The following NLRP5 variants were observed in gnomAD, a reference collection of about 807,000 sequenced individuals.
The protein encoded by NLRP5 is NLR family pyrin domain containing 5.
A neutral mutation model predicts 113.1 loss-of-function variants in NLRP5; 93 were observed. The observed-to-expected ratio is 0.82, with a 90% CI of 0.70 to 0.98. The LOEUF is 0.98. Among genes scored for constraint, NLRP5 ranks in the 50% least tolerant of loss-of-function variants. The pLI is 0.00. For missense variants in NLRP5, 1,808 were observed against 1,514.3 expected (o/e 1.19, Z -3.22); for synonymous variants, 751 against 600.7 (o/e 1.25, Z -3.66).
upstream of NLRP5, among the ~76,000 whole-genome samples, chr19:55,998,708 G>GTATATATATA (rs1429404937): frequency 1.9e-4 from 11 of 59,352 alleles, no homozygotes; most frequent in East Asian, 2.6e-3. Flanking sequence ...ATATATGTGT[G>GTATATATATA]TGTGTGTATA....
At chr19:56,008,642 G>T in intron 2 of NLRP5, 146 bp from the exon 3 acceptor site, 1 of 705,838 alleles carries the variant, frequency 1.4e-6, no homozygotes, top group Non-Finnish European at 2.5e-6. Context: ...TGTTGTCTCC[G>T]TTATAGGCCA....
At chr19:55,998,485 C>G (rs949851180), upstream of NLRP5, among the ~76,000 whole-genome samples, 13 of 151,870 alleles carry the variant, frequency 8.6e-5, no homozygotes, top group East Asian at 1.9e-4. Context: ...AACCCTGTCT[C>G]TACTAAAAAT....
chr19:56,026,494 C>T (rs1982853263), intron 6 of NLRP5, among the ~76,000 whole-genome samples: 1 of 122,016 alleles, frequency 8.2e-6, no homozygotes, highest in African/African-American at 3.0e-5. Context: ...CGCCACTGCA[C>T]TCCAGCCTGG....
Position 56,058,427 on chromosome 19 carries a change from T to C in NLRP5, c.3470+17T>C, listed in dbSNP as rs200950270. The stretch of plus-strand genomic sequence containing the variant: ...GATAATTGGGTAAGTCGCCAGCAAT[T>C]GTCTTCTGAGATACAGACCTGCTTC... On this transcript the variant is annotated intron_variant, in intron 14 of 14. Transcript: ENST00000390649. 2.5e-5 allele frequency: 40 copies of C among 1,599,082 alleles called. No homozygotes were observed. Among genetic ancestry groups the C allele is most frequent in the Admixed American group, 3.5e-5 (2 of 57,036 alleles).
In NLRP5 at chr19:56,027,206, C is replaced by T. The variant is rs1982894430; in HGVS notation, c.973C>T (p.Gln325Ter). The T allele has an allele frequency of 6.2e-7, 1 of 1,611,190 alleles. No individual in the cohort carries two copies. The highest frequency in any genetic ancestry group is 8.5e-7 in the Non-Finnish European group (1 of 1,178,792). The change falls in exon 7 of 15, where the codon CAG (glutamine) becomes TAG (stop). Residue 325 changes from glutamine (Q) to a stop codon, truncating the protein, a stop_gained. Coordinates refer to ENST00000390649, the MANE Select transcript of NLRP5 (RefSeq NM_153447.4). LOFTEE classifies it high-confidence loss of function. ...CTTCTTCCTCCCCGTTAGAGAGATG[C>T]AGCGGAAGAAGGAGAGCAGTGTCAC...
intron 2 of NLRP5, among the ~76,000 whole-genome samples, chr19:56,005,332 T>TATACAC (rs201872216): frequency 7.1e-6 from 1 of 140,694 alleles, no homozygotes; most frequent in Non-Finnish European, 1.5e-5. Context: ...CATATTTATA[T>TATACAC]ATACACATAC....
At chr19:55,991,772 C>G in the NLRP5 span, among the ~76,000 whole-genome samples, 2 of 152,082 alleles carry the variant, frequency 1.3e-5, no homozygotes, top group Non-Finnish European at 2.9e-5. Flanking sequence ...GCTTTCCTAT[C>G]AAATATAAAT....
intron 2 of NLRP5, among the ~76,000 whole-genome samples, chr19:56,008,029 T>A (rs182965010): frequency 0.14 from 15,009 of 104,138 alleles, 1,695 homozygotes; most frequent in Non-Finnish European, 0.19. Flanking sequence ...CCCGGGTTCG[T>A]GCCATTCTCC....
At chr19:56,005,105 AAAAT>A (rs1401431552) in intron 2 of NLRP5, among the ~76,000 whole-genome samples, 10 of 123,962 alleles carry the variant, frequency 8.1e-5, no homozygotes, top group East Asian at 2.3e-4. Flanking sequence ...AAAAAAAAAA[AAAAT>A]ATATATATAT....
At chr19:56,014,872 G>A (rs1161425514) in intron 3 of NLRP5, among the ~76,000 whole-genome samples, 2 of 152,110 alleles carry the variant, frequency 1.3e-5, no homozygotes, top group Non-Finnish European at 2.9e-5. Context: ...AAGATAGATT[G>A]GCTATTCTGG....
chr19:56,043,944 T>C (rs1231665078), intron 11 of NLRP5, among the ~76,000 whole-genome samples: 4 of 152,104 alleles, frequency 2.6e-5, no homozygotes, highest in African/African-American at 9.7e-5. Context: ...TTTATCTTTA[T>C]TTTTATTGCA....
At position 56,032,693 on chromosome 19, in the gene NLRP5, G is replaced by C. The variant is rs758448758; in HGVS notation, c.2359G>C (p.Asp787His). The change falls in exon 8 of 15, where the codon GAC becomes CAC. Residue 787 changes from aspartate to histidine, a missense_variant. Coordinates refer to ENST00000390649, the MANE Select transcript of NLRP5 (RefSeq NM_153447.4). The stretch of plus-strand genomic sequence containing the variant: ...CACCCACCCACACCTGCGGCAGCTG[G>C]ACCTGGGCAGCAGCATCCTGACAGA... 6 of 1,613,580 alleles carry C rather than the reference G, an allele frequency of 3.7e-6. No homozygotes were observed. The highest frequency in any genetic ancestry group is 5.1e-6 in the Non-Finnish European group (6 of 1,179,758).
chr19:56,044,202 T>A (rs536368442), intron 11 of NLRP5, among the ~76,000 whole-genome samples: 19 of 152,164 alleles, frequency 1.2e-4, no homozygotes, highest in African/African-American at 4.1e-4. Flanking sequence ...TAGCTGAGAT[T>A]ACAGGCACCC....
rs181542066 is a variant in NLRP5 at position 56,023,128 on chromosome 19, C to T, written c.679+2697C>T. Among the ~76,000 whole-genome samples, 19 of 152,212 alleles carry T rather than the reference C, an allele frequency of 1.2e-4. No homozygotes were observed. The East Asian group carries it at 2.9e-3, about 23-fold the overall frequency. ...TGGAATTTTAGGAAAGAAGCCCTCACGAAGGAGAGGATGGGAACCCTGAAG... is the reference window on the plus strand; with the variant it reads ...TGGAATTTTAGGAAAGAAGCCCTCATGAAGGAGAGGATGGGAACCCTGAAG... On this transcript the variant is annotated intron_variant, in intron 6 of 14. Coordinates refer to ENST00000390649, the MANE Select transcript of NLRP5 (RefSeq NM_153447.4).
In NLRP5 at chr19:56,050,389, A is replaced by G. The variant is rs368369543; in HGVS notation, c.2958-29A>G. 6 of 1,607,490 alleles carry G rather than the reference A, an allele frequency of 3.7e-6. No homozygotes were observed. In the African/African-American group the frequency reaches 4.0e-5, roughly 11 times the overall value. On this transcript the variant is annotated intron_variant, in intron 11 of 14. Coordinates refer to ENST00000390649, the MANE Select transcript of NLRP5 (RefSeq NM_153447.4). ...GCCATGCTGGGGAATGAGCATCACGATCTTCTTTCCCATGTGTGTGCCCCA... is the reference window on the plus strand; with the variant it reads ...GCCATGCTGGGGAATGAGCATCACGGTCTTCTTTCCCATGTGTGTGCCCCA...
chr19:56,024,723 A>C (rs909213462), intron 6 of NLRP5, among the ~76,000 whole-genome samples: 1 of 150,896 alleles, frequency 6.6e-6, no homozygotes, highest in Non-Finnish European at 1.5e-5. Flanking sequence ...ACGCTGCTGC[A>C]CTCCAGCCTG....
intron 9 of NLRP5, among the ~76,000 whole-genome samples, chr19:56,034,631 T>G (rs1983244896): frequency 6.6e-6 from 1 of 152,236 alleles, no homozygotes; most frequent in African/African-American, 2.4e-5. Flanking sequence ...TGTATAACCT[T>G]GTCATTTTGA....
chr19:55,998,690 A>ATGTGTGTGTGTG (rs760041369), upstream of NLRP5, among the ~76,000 whole-genome samples: 18,875 of 55,180 alleles, frequency 0.34, 2,319 homozygotes, highest in Non-Finnish European at 0.4. Flanking sequence ...ATATATATAT[A>ATGTGTGTGTGTG]TATATATATA....
chr19:56,028,417 G>T lies in NLRP5; in HGVS notation c.2184G>T (p.Gln728His), dbSNP rs375033266. 3.7e-6 allele frequency: 6 copies of T among 1,613,828 alleles called. No homozygotes were observed. In the South Asian group the frequency reaches 5.5e-5, roughly 15 times the overall value. ...TGATAGCATCTTCCTTCTGCCTCCAGCACTGTCCGTATTTGCGGAAAATTC... is the reference window on the plus strand; with the variant it reads ...TGATAGCATCTTCCTTCTGCCTCCATCACTGTCCGTATTTGCGGAAAATTC... The change falls in exon 7 of 15, where the codon CAG becomes CAT. Residue 728 changes from glutamine to histidine, a missense_variant. By Grantham distance (24) the Gln-to-His change is conservative. Transcript: ENST00000390649.
Sources: allele counts gnomAD v4.1 joint callset (sites outside exome capture counted in the v4.1 genomes callset), GRCh38; gene constraint gnomAD v4.1.1; transcripts MANE v1.5; gene names NCBI Gene and HGNC (gene_info 2026-07-23, HGNC 2026-07-21).